Variants in ZC3H18 observed in about 807,000 individuals in gnomAD.
ZC3H18 encodes the protein zinc finger CCCH-type containing 18.
A neutral mutation model predicts 106.1 loss-of-function variants in ZC3H18; 8 were observed. The ratio of observed to expected loss-of-function variants is 0.08; its 90% confidence interval spans 0.04 to 0.14. The LOEUF (loss-of-function observed/expected upper bound fraction) is 0.14, where lower values mean the gene tolerates loss of function less well. ZC3H18 is among the 10% of genes least tolerant of loss of function. The pLI is 1.00. For synonymous variants in ZC3H18, 635 were observed against 522.1 expected (o/e 1.22, Z -2.95); for missense variants, 1,318 against 1,278.4 (o/e 1.03, Z -0.47).
chr16:88,587,105 GCGTTTGTT>G (rs1384861085), intron 3 of ZC3H18, among the ~76,000 whole-genome samples: 5 of 152,348 alleles, frequency 3.3e-5, no homozygotes, highest in African/African-American at 1.2e-4. Context: ...TGTGTCCGAA[GCGTTTGTT>G]CGTGTGGAAT....
At chr16:88,577,971 C>T (rs1337688631) in intron 2 of ZC3H18, among the ~76,000 whole-genome samples, 1 of 152,184 alleles carries the variant, frequency 6.6e-6, no homozygotes, top group African/African-American at 2.4e-5. Flanking sequence ...CTCGGCCGGC[C>T]AGCTGGTGGG....
At chr16:88,630,270 GC>G in intron 16 of ZC3H18, 1 of 509,900 alleles carries the variant, frequency 2.0e-6, no homozygotes, top group Non-Finnish European at 3.5e-6. Context: ...GGAACCTGGG[GC>G]CCAGGTTTGG....
chr16:88,628,132 G>GCCCT lies in ZC3H18; in HGVS notation c.2469+16_2469+19dup. 2 of 1,610,104 alleles carry GCCCT rather than the reference G, an allele frequency of 1.2e-6. No individual in the cohort carries two copies. Among genetic ancestry groups the GCCCT allele is most frequent in the Non-Finnish European group, 1.7e-6 (2 of 1,177,136 alleles). ...ACTGTTGAATAAGGTGAGGGCAAGG[G>GCCCT]CCCTCCTGGTGGCTGCCCCAGCGTC... On this transcript the variant is annotated intron_variant, in intron 15 of 17. Coordinates refer to ENST00000301011, the MANE Select transcript of ZC3H18 (RefSeq NM_144604.4).
intron 6 of ZC3H18, among the ~76,000 whole-genome samples, chr16:88,607,965 T>G (rs1473142837): frequency 6.6e-6 from 1 of 152,230 alleles, no homozygotes; most frequent in African/African-American, 2.4e-5. Context: ...TTCTTGCTAT[T>G]GTAAATGCGG....
chr16:88,608,133 A>G (rs546689220), intron 6 of ZC3H18, among the ~76,000 whole-genome samples: 2 of 152,050 alleles, frequency 1.3e-5, no homozygotes, highest in South Asian at 4.2e-4. Context: ...GTATCATATC[A>G]TTTTGCAAAT....
At chr16:88,590,841 T>A (rs1029579122) in intron 3 of ZC3H18, among the ~76,000 whole-genome samples, 1 of 152,040 alleles carries the variant, frequency 6.6e-6, no homozygotes, top group Non-Finnish European at 1.5e-5. Flanking sequence ...ATTACAGGTG[T>A]GAGCCACCAC....
At chr16:88,571,931 A>C (rs1262512017) in intron 1 of ZC3H18, among the ~76,000 whole-genome samples, 1 of 152,258 alleles carries the variant, frequency 6.6e-6, no homozygotes, top group Non-Finnish European at 1.5e-5. Context: ...TAATTGTCCC[A>C]AAATGTGCTT....
At chr16:88,620,525 GATT>G (rs1361340207) in intron 8 of ZC3H18, among the ~76,000 whole-genome samples, 1 of 150,232 alleles carries the variant, frequency 6.7e-6, no homozygotes, top group Admixed American at 6.7e-5. Flanking sequence ...AGGCTGCAGT[GATT>G]ATGCCACCAC....
chr16:88,617,297 T>C (rs1905676735), intron 8 of ZC3H18, among the ~76,000 whole-genome samples: 1 of 152,092 alleles, frequency 6.6e-6, no homozygotes, highest in Non-Finnish European at 1.5e-5. Flanking sequence ...CCCCTGGACC[T>C]GCGGCTGGAG....
At chr16:88,592,099 C>G (rs1819774982) in intron 3 of ZC3H18, among the ~76,000 whole-genome samples, 1 of 152,242 alleles carries the variant, frequency 6.6e-6, no homozygotes, top group South Asian at 2.1e-4. Context: ...AGCCGCCAAG[C>G]TGTCTTCCAC....
rs762186849 is a variant in ZC3H18 at position 88,624,647 on chromosome 16, G to A, written c.1944G>A (p.Gln648=). Reference sequence around the variant, plus strand: ...CGGCCCCGCCTCCAGCCCCACCACAGGCCACCAAAACCACTGCTCCTGTCC... The same window carrying A: ...CGGCCCCGCCTCCAGCCCCACCACAAGCCACCAAAACCACTGCTCCTGTCC... ...KKPAPPPAPP[Q]ATKTTAPVPE... Residue 648 remains glutamine (Q), a synonymous_variant, in exon 12 of 18, where the codon CAG becomes CAA. Coordinates refer to ENST00000301011, the MANE Select transcript of ZC3H18 (RefSeq NM_144604.4). 3.1e-6 allele frequency: 5 copies of A among 1,613,986 alleles called. No homozygotes were observed. In the South Asian group the frequency reaches 3.3e-5, roughly 11 times the overall value.
chr16:88,624,096 G>T (rs1482107914), intron 11 of ZC3H18, 34 bp downstream of exon 11: 2 of 1,604,192 alleles, frequency 1.2e-6, no homozygotes, highest in Middle Eastern at 1.7e-4. Flanking sequence ...GTCCTGGCCG[G>T]CCAGGCCTCC....
At chr16:88,589,038 T>C (rs1915596278) in intron 3 of ZC3H18, among the ~76,000 whole-genome samples, 1 of 152,244 alleles carries the variant, frequency 6.6e-6, no homozygotes, top group African/African-American at 2.4e-5. Context: ...CTAGATCATG[T>C]CTTCTGCTGC....
chr16:88,617,391 A>G (rs1180303578), intron 8 of ZC3H18, among the ~76,000 whole-genome samples: 1 of 152,166 alleles, frequency 6.6e-6, no homozygotes, highest in Non-Finnish European at 1.5e-5. Flanking sequence ...AAATGATTAG[A>G]GCAGAACCTT....
intron 12 of ZC3H18, 23 bp from the exon 13 acceptor site, chr16:88,625,179 C>A (rs747434661): frequency 6.4e-7 from 1 of 1,564,570 alleles, no homozygotes; most frequent in Non-Finnish European, 8.7e-7. Context: ...GCCCCCTGAG[C>A]CCCGCTGTTG....
At chr16:88,583,132 T>C (rs1465318561) in intron 2 of ZC3H18, among the ~76,000 whole-genome samples, 3 of 152,258 alleles carry the variant, frequency 2.0e-5, no homozygotes, top group Admixed American at 6.5e-5. Context: ...CTCCACGCAG[T>C]GGCCCCCTTT....
At chr16:88,625,089 TG>T in intron 12 of ZC3H18, 112 bp from the exon 13 acceptor site, 2 of 1,256,728 alleles carry the variant, frequency 1.6e-6, no homozygotes, top group South Asian at 1.3e-5. Flanking sequence ...TGTTCCAAGG[TG>T]GTAGCAAGGC....
intron 2 of ZC3H18, among the ~76,000 whole-genome samples, chr16:88,579,825 A>G (rs1014405156): frequency 6.6e-6 from 1 of 152,032 alleles, no homozygotes; most frequent in Non-Finnish European, 1.5e-5. Context: ...CACATCCCCC[A>G]TAGGTCTGTG....
intron 13 of ZC3H18, chr16:88,625,627 T>A (rs1276415204): frequency 3.5e-6 from 1 of 287,142 alleles, no homozygotes; most frequent in East Asian, 8.7e-5. Context: ...TGGGCCTGCG[T>A]GACCTATCAC....
Sources: gnomAD v4.1 joint callset for allele counts (sites outside exome capture counted in the v4.1 genomes callset) on GRCh38, gnomAD v4.1.1 for gene constraint, MANE v1.5 for transcripts, NCBI Gene and HGNC (gene_info 2026-07-23, HGNC 2026-07-21) for gene names.